Variants in MAN2B2 observed in about 807,000 individuals in gnomAD.
MAN2B2 encodes mannosidase alpha class 2B member 2, also known as epididymis-specific alpha-mannosidase.
MAN2B2 carries 106 observed loss-of-function variants against 117.1 expected under a neutral mutation model. The observed-to-expected ratio is 0.90, with a 90% confidence interval of 0.77 to 1.06. MAN2B2 has a LOEUF of 1.06. MAN2B2 is among the 50% of genes least tolerant of loss of function. The probability of loss-of-function intolerance (pLI) is 0.00; values close to 1 mark genes in which losing one functional copy is unlikely to be tolerated. For synonymous variants in MAN2B2, 544 were observed against 595.1 expected (o/e 0.91, Z 1.25); for missense variants, 1,326 against 1,381.4 (o/e 0.96, Z 0.64).
At chr4:6,609,450 T>C (rs919281612) in intron 12 of MAN2B2, 152 bp downstream of exon 12, 2 of 765,074 alleles carry the variant, frequency 2.6e-6, no homozygotes, top group Non-Finnish European at 2.1e-6. Context: ...TGCTCTGGTG[T>C]CTGCATGCTG....
rs951539573 is a variant in MAN2B2 at position 6,597,393 on chromosome 4, G to A, written c.1248+90G>A. On this transcript the variant is annotated intron_variant, in intron 8 of 18. Coordinates refer to ENST00000285599, the MANE Select transcript of MAN2B2 (RefSeq NM_015274.3). ...TGTCCTAGCCAATCCTTCCAGCCCT[G>A]GGGCACTAGAGGCCCCACTTTACAG... The A allele has an allele frequency of 3.7e-6, 5 of 1,356,970 alleles. No homozygotes were observed. In the East Asian group the frequency reaches 1.4e-4, roughly 37 times the overall value. The allele number at this position is 1,356,970 out of a possible 1,614,324, so 84.1% of individuals were successfully genotyped here. A position where few individuals can be genotyped will look rare whatever the true frequency, so the allele number is the denominator to read the frequency against.
At chr4:6,598,810 T>C (rs1295706461) in intron 9 of MAN2B2, among the ~76,000 whole-genome samples, 1 of 152,172 alleles carries the variant, frequency 6.6e-6, no homozygotes, top group Non-Finnish European at 1.5e-5. Context: ...AGTACGCCGG[T>C]GTCCTCAGGG....
Position 6,611,010 on chromosome 4 carries a change from C to G in MAN2B2, c.2370+20C>G. On this transcript the variant is annotated intron_variant, in intron 14 of 18. Transcript: ENST00000285599. ...GTGGAGGTAGGAGGCACGGTCTGTCCTACAGCAGCCCCTCGCGGCCCCCTA... is the reference window on the plus strand; with the variant it reads ...GTGGAGGTAGGAGGCACGGTCTGTCGTACAGCAGCCCCTCGCGGCCCCCTA... The G allele has an allele frequency of 6.2e-7, 1 of 1,613,766 alleles. No individual in the cohort carries two copies. Among genetic ancestry groups the G allele is most frequent in the Non-Finnish European group, 8.5e-7 (1 of 1,179,712 alleles).
At chr4:6,604,524 G>T (rs72616120) in intron 10 of MAN2B2, among the ~76,000 whole-genome samples, 45,566 of 149,844 alleles carry the variant, frequency 0.3, 8,342 homozygotes, top group East Asian at 0.47. Flanking sequence ...TGACTAGGGG[G>T]TAGGGGTGGA....
intron 7 of MAN2B2, among the ~76,000 whole-genome samples, chr4:6,596,299 G>T (rs1014597431): frequency 6.6e-6 from 1 of 152,142 alleles, no homozygotes; most frequent in African/African-American, 2.4e-5. Context: ...TCTCAACATG[G>T]CTGCAAAGCT....
intron 3 of MAN2B2, among the ~76,000 whole-genome samples, chr4:6,579,301 T>A (rs200367771): frequency 1.3e-4 from 2 of 15,814 alleles, no homozygotes; most frequent in African/African-American, 2.7e-4. Flanking sequence ...ACCACCACCA[T>A]CACCACCACC....
At chr4:6,588,102 C>T (rs79441887) in intron 4 of MAN2B2, among the ~76,000 whole-genome samples, 105 of 152,214 alleles carry the variant, frequency 6.9e-4, no homozygotes, top group African/African-American at 2.2e-3. Flanking sequence ...CCTTATGGGA[C>T]GGTGTCATCA....
At chr4:6,612,329 C>T (rs1288157872) in intron 15 of MAN2B2, among the ~76,000 whole-genome samples, 1 of 152,208 alleles carries the variant, frequency 6.6e-6, no homozygotes, top group Non-Finnish European at 1.5e-5. Flanking sequence ...GAGAAGGAGC[C>T]ATGCCATAGA....
intron 3 of MAN2B2, among the ~76,000 whole-genome samples, chr4:6,583,362 G>A (rs1303934269): frequency 6.6e-6 from 1 of 152,202 alleles, no homozygotes; most frequent in Admixed American, 6.5e-5. Context: ...AGGAGGCTGG[G>A]GAATGTAGTC....
intron 5 of MAN2B2, 75 bp from the exon 6 acceptor site, chr4:6,593,098 A>C: frequency 7.1e-7 from 1 of 1,415,826 alleles, no homozygotes; most frequent in Non-Finnish European, 9.8e-7. Flanking sequence ...GGCTGGGAGA[A>C]CATGGCACTT....
intron 10 of MAN2B2, among the ~76,000 whole-genome samples, chr4:6,603,118 C>G (rs999101519): frequency 6.6e-6 from 1 of 152,158 alleles, no homozygotes; most frequent in African/African-American, 2.4e-5. Flanking sequence ...GTGGGAAAGC[C>G]TTCAGGAATC....
At chr4:6,618,291 A>ATTT (rs1711993685) in intron 17 of MAN2B2, 1 of 152,018 alleles carries the variant, frequency 6.6e-6, no homozygotes, top group African/African-American at 2.4e-5. Flanking sequence ...TTTCTTTCTT[A>ATTT]TTTATTCTGT....
chr4:6,609,427 T>G, intron 12 of MAN2B2, 129 bp downstream of exon 12: 1 of 879,698 alleles, frequency 1.1e-6, no homozygotes, highest in Admixed American at 2.7e-5. Context: ...CGTGGTCTGA[T>G]GAAGAAATGA....
At chr4:6,583,048 A>C (rs941910050) in intron 3 of MAN2B2, among the ~76,000 whole-genome samples, 1 of 152,160 alleles carries the variant, frequency 6.6e-6, no homozygotes, top group Non-Finnish European at 1.5e-5. Flanking sequence ...CCAGGGATCC[A>C]CGTTGCTTCC....
Position 6,617,847 on chromosome 4 carries a change from G to GTTTT in MAN2B2, c.2814+369_2814+372dup, listed in dbSNP as rs56063851. 1,520 of 162,828 alleles carry GTTTT rather than the reference G, an allele frequency of 9.3e-3. 3 individuals are homozygous for GTTTT. The highest frequency in any genetic ancestry group is 0.025 in the South Asian group (244 of 9,812). The allele number at this position is 162,828 out of a possible 1,614,324, so 10.1% of individuals were successfully genotyped here. ...AGGGGCGCGCCACCACGATGGCTAAGTTTTTTTTTTTTTTTTTGAGACCGA... is the reference window on the plus strand; with the variant it reads ...AGGGGCGCGCCACCACGATGGCTAAGTTTTTTTTTTTTTTTTTTTTTGAGACCGA... On this transcript the variant is annotated intron_variant, in intron 17 of 18. Transcript: ENST00000285599.
intron 4 of MAN2B2, among the ~76,000 whole-genome samples, chr4:6,587,933 GT>G (rs1268080199): frequency 2.6e-5 from 4 of 151,610 alleles, no homozygotes; most frequent in Non-Finnish European, 5.9e-5. Flanking sequence ...TTTTTTGTGT[GT>G]TTTTTGTAGA....
rs982155531 is a variant in MAN2B2, at chr4:6,590,201, G to A, written c.680+1041G>A. 4.6e-5 allele frequency among the ~76,000 whole-genome samples: 7 copies of A among 151,732 alleles called. No individual in the cohort carries two copies. In the East Asian group the frequency reaches 7.7e-4, roughly 17 times the overall value. On this transcript the variant is annotated intron_variant, in intron 5 of 18. Coordinates refer to ENST00000285599, the MANE Select transcript of MAN2B2 (RefSeq NM_015274.3). The stretch of plus-strand genomic sequence containing the variant: ...AGCCTGGCCAACATGGCAAAACCCC[G>A]TCTCTACTGAAAATACAAAAAAAGA...
intron 9 of MAN2B2, among the ~76,000 whole-genome samples, chr4:6,598,697 C>G (rs1727205492): frequency 6.6e-6 from 1 of 152,178 alleles, no homozygotes; most frequent in Non-Finnish European, 1.5e-5. Context: ...ATTTTACAGC[C>G]GAGGAAACGG....
intron 18 of MAN2B2, 170 bp from the exon 19 acceptor site, chr4:6,621,018 T>A (rs543788921): frequency 4.3e-5 from 25 of 577,876 alleles, no homozygotes; most frequent in African/African-American, 3.8e-4. Context: ...TGTAGCCAGG[T>A]GCAGTGTGGT....
Sources: gnomAD v4.1 joint callset for allele counts (sites outside exome capture counted in the v4.1 genomes callset) on GRCh38, gnomAD v4.1.1 for gene constraint, MANE v1.5 for transcripts, NCBI Gene and HGNC (gene_info 2026-07-23, HGNC 2026-07-21) for gene names.